The following XPO1 variants were observed in gnomAD, a reference collection of about 807,000 sequenced individuals.
XPO1 encodes exportin 1, also known as exportin-1.
In XPO1, 5 loss-of-function variants were observed where a neutral mutation model predicts 133.3. The observed-to-expected ratio is 0.04, with a 90% CI of 0.02 to 0.08. The LOEUF is 0.08. Among genes scored for constraint, XPO1 ranks in the 10% least tolerant of loss-of-function variants. The pLI, the probability that XPO1 is intolerant of heterozygous loss-of-function variation, is 1.00. For missense variants in XPO1, 506 were observed against 1,267.5 expected (o/e 0.40, Z 9.12); for synonymous variants, 419 against 408.2 (o/e 1.03, Z -0.32).
intron 12 of XPO1, chr2:61,493,530 T>G (rs943832736): frequency 9.7e-6 from 2 of 207,140 alleles, no homozygotes; most frequent in African/African-American, 4.7e-5. Flanking sequence ...TTTTTTTCAC[T>G]GTAATTCTAC....
Position 61,533,911 on chromosome 2 carries a change from T to A in XPO1, c.-6-8A>T, listed in dbSNP as rs767883237. On this transcript the variant is annotated splice_polypyrimidine_tract_variant and splice_region_variant and intron_variant, in intron 1 of 24. Coordinates refer to ENST00000401558, the MANE Select transcript of XPO1 (RefSeq NM_003400.4). ...AATTGCTGGCATAGATTACTGAAAATAAAGAAAAAAAATTGAAGCTGCCTA... is the reference window on the plus strand; with the variant it reads ...AATTGCTGGCATAGATTACTGAAAAAAAAGAAAAAAAATTGAAGCTGCCTA... The A allele has an allele frequency of 6.6e-7, 1 of 1,511,426 alleles. No individual in the cohort carries two copies. Among genetic ancestry groups the A allele is most frequent in the African/African-American group, 1.4e-5 (1 of 70,668 alleles). The allele number at this position is 1,511,426 out of a possible 1,614,324, so 93.6% of individuals were successfully genotyped here.
chr2:61,497,082 G>T, intron 9 of XPO1, 75 bp from the exon 10 acceptor site: 1 of 1,514,942 alleles, frequency 6.6e-7, no homozygotes, highest in Non-Finnish European at 8.8e-7. Flanking sequence ...ACAATTAAAA[G>T]GAAAAAGGCT....
chr2:61,536,668 T>G (rs534712969), intron 1 of XPO1: 1 of 152,194 alleles, frequency 6.6e-6, no homozygotes, highest in Non-Finnish European at 1.5e-5. Context: ...CCGAACCGAT[T>G]TGCAGCCCTT....
At chr2:61,480,296 T>TTTTC (rs1180364461) in intron 24 of XPO1, 2 of 150,544 alleles carry the variant, frequency 1.3e-5, no homozygotes, top group African/African-American at 4.9e-5. Context: ...TTTTTTTTTT[T>TTTTC]GAGATGAAGT....
At chr2:61,490,867 A>C in intron 16 of XPO1, 91 bp from the exon 17 acceptor site, 2 of 1,505,982 alleles carry the variant, frequency 1.3e-6, no homozygotes, top group South Asian at 2.5e-5. Context: ...CTTGAAACTG[A>C]TTTTGGCCCA....
intron 4 of XPO1, among the ~76,000 whole-genome samples, chr2:61,514,904 A>T (rs1425130360): frequency 6.6e-6 from 1 of 151,810 alleles, no homozygotes; most frequent in Non-Finnish European, 1.5e-5. Context: ...GCGAAACTCT[A>T]TTACAAAAAC....
At chr2:61,533,537 A>G (rs1159837272) in intron 2 of XPO1, among the ~76,000 whole-genome samples, 3 of 152,234 alleles carry the variant, frequency 2.0e-5, no homozygotes, top group Non-Finnish European at 1.5e-5. Context: ...AGTATTTAAT[A>G]ACATTTGGCT....
intron 24 of XPO1, among the ~76,000 whole-genome samples, chr2:61,479,455 C>CCAA (rs1553400049): frequency 4.0e-5 from 6 of 150,620 alleles, no homozygotes; most frequent in Admixed American, 1.3e-4. Context: ...TGTGCCCCCC[C>CCAA]AAAAAAAACA....
chr2:61,483,098 G>A lies in XPO1; in HGVS notation c.2678-7C>T. ...GTAAAAAGTATCTGTAAGCCTAAAA[G>A]ACATAGAATACCAATGGAAAGTTAC... On this transcript the variant is annotated splice_polypyrimidine_tract_variant and splice_region_variant and intron_variant, in intron 21 of 24. Transcript: ENST00000401558. The A allele has an allele frequency of 6.2e-7, 1 of 1,606,014 alleles. No homozygotes were observed. The highest frequency in any genetic ancestry group is 8.5e-7 in the Non-Finnish European group (1 of 1,176,362).
At chr2:61,507,233 G>C (rs1697867898) in intron 4 of XPO1, among the ~76,000 whole-genome samples, 1 of 64,512 alleles carries the variant, frequency 1.6e-5, no homozygotes, top group African/African-American at 6.3e-5. Context: ...GACAGCGGGA[G>C]ACTCCATCTC....
At chr2:61,497,783 C>T (rs989489865) in intron 9 of XPO1, among the ~76,000 whole-genome samples, 2 of 152,042 alleles carry the variant, frequency 1.3e-5, no homozygotes, top group Non-Finnish European at 2.9e-5. Flanking sequence ...ATTAAACATA[C>T]CTAATAATCT....
chr2:61,488,320 AGTGGTACTCAG>A (rs759405540), intron 18 of XPO1, 49 bp from the exon 19 acceptor site: 1 of 1,540,814 alleles, frequency 6.5e-7, no homozygotes, highest in Non-Finnish European at 9.0e-7. Context: ...AAACTTATAC[AGTGGTACTCAG>A]GTGTACATTA....
chr2:61,498,317 G>C (rs1697341111), intron 9 of XPO1, among the ~76,000 whole-genome samples: 1 of 152,102 alleles, frequency 6.6e-6, no homozygotes, highest in South Asian at 2.1e-4. Context: ...AACCATTATA[G>C]AACTTAAGCC....
At chr2:61,505,380 G>A (rs964868396) in intron 4 of XPO1, among the ~76,000 whole-genome samples, 33 of 135,428 alleles carry the variant, frequency 2.4e-4, no homozygotes, top group African/African-American at 8.1e-4. Flanking sequence ...GGTAATCTAT[G>A]CAACATTCTC....
At chr2:61,482,613 T>TTTTTTTTTTTTTTTTG (rs1696451064) in intron 22 of XPO1, 74 bp from the exon 23 acceptor site, 1 of 93,810 alleles carries the variant, frequency 1.1e-5, no homozygotes, top group African/African-American at 3.8e-4. Flanking sequence ...TTTTGTTTTG[T>TTTTTTTTTTTTTTTTG]TTTTTTTTTT....
intron 4 of XPO1, among the ~76,000 whole-genome samples, chr2:61,504,610 T>C (rs548013716): frequency 6.6e-5 from 10 of 152,194 alleles, no homozygotes; most frequent in Non-Finnish European, 1.2e-4. Context: ...AAGCCTCATC[T>C]GGCATATATA....
chr2:61,498,892 C>G lies in XPO1; in HGVS notation c.612G>C (p.Gln204His), dbSNP rs2104494308. The G allele has an allele frequency of 6.3e-7, 1 of 1,595,916 alleles. No individual in the cohort carries two copies. The highest frequency in any genetic ancestry group is 8.5e-7 in the Non-Finnish European group (1 of 1,172,542). ...TTACAAACTGACACAGTTGAAATATCTGTGAGAATTCATTGCACATGCTAA... is the reference window on the plus strand; with the variant it reads ...TTACAAACTGACACAGTTGAAATATGTGTGAGAATTCATTGCACATGCTAA... ...LKDSMCNEFS[Q>H]IFQLCQFVME... is the part of the protein sequence containing the mutation. Residue 204 changes from glutamine to histidine, a missense_variant, in exon 8 of 25, where the codon CAG (glutamine) becomes CAC (histidine). By Grantham distance (24) the Gln-to-His change is conservative. Transcript: ENST00000401558.
intron 20 of XPO1, chr2:61,484,308 T>C (rs1696561494): frequency 4.0e-6 from 2 of 497,112 alleles, no homozygotes. Context: ...CGCACATGAG[T>C]TATCAAATTG....
At chr2:61,494,146 T>C (rs778642378) in intron 11 of XPO1, 55 bp from the exon 12 acceptor site, 13 of 1,523,970 alleles carry the variant, frequency 8.5e-6, no homozygotes, top group South Asian at 2.4e-5. Flanking sequence ...CAACTTCAAA[T>C]TGCTTTTCAC....
Sources: gnomAD v4.1 joint callset for allele counts (sites outside exome capture counted in the v4.1 genomes callset) on GRCh38, gnomAD v4.1.1 for gene constraint, MANE v1.5 for transcripts, NCBI Gene and HGNC (gene_info 2026-07-23, HGNC 2026-07-21) for gene names.